RBM23: variants seen among roughly 807,000 people sequenced by gnomAD.
RBM23 encodes probable RNA-binding protein 23.
A neutral mutation model predicts 56.2 loss-of-function variants in RBM23; 53 were observed. The observed-to-expected ratio is 0.94, with a 90% CI of 0.76 to 1.19. The LOEUF (loss-of-function observed/expected upper bound fraction) is 1.19, where lower values mean the gene tolerates loss of function less well. Ranked by LOEUF, RBM23 falls within the 50% of genes most tolerant of loss-of-function variation. The pLI, the probability that RBM23 is intolerant of heterozygous loss-of-function variation, is 0.00. For missense variants in RBM23, 642 were observed against 590.3 expected, an observed-to-expected ratio of 1.09 and a Z score of -0.91; for synonymous variants, 197 against 198.5, an observed-to-expected ratio of 0.99 and a Z score of 0.06.
chr14:22,906,390 G>T, intron 4 of RBM23, 22 bp from the exon 5 acceptor site: 1 of 1,611,130 alleles, frequency 6.2e-7, no homozygotes, highest in Non-Finnish European at 8.5e-7. Context: ...AACAACTACA[G>T]TCATGCCCAC....
At chr14:22,915,514 GAGA>G (rs2043328376) in intron 1 of RBM23, among the ~76,000 whole-genome samples, 4 of 72,504 alleles carry the variant, frequency 5.5e-5, no homozygotes, top group Non-Finnish European at 7.7e-5. Flanking sequence ...TTTTTTTTTT[GAGA>G]AGGAGTCTAG....
rs779748400 is a variant in RBM23, at chr14:22,904,929, C to T, written c.810G>A (p.Leu270=). The T allele has an allele frequency of 3.5e-5, 57 of 1,614,104 alleles. No homozygotes were observed. The highest frequency in any genetic ancestry group is 1.2e-4 in the Admixed American group (7 of 59,996). ...GGPMRLYVGS[L]HFNITEDMLR... ...GCATGTCTTCAGTGATATTGAAGTG[C>T]AGGGAACCCACATAGAGGCGCATTG... The change falls in exon 9 of 14, where the codon CTG becomes CTA. Residue 270 remains leucine (L), a synonymous_variant. Coordinates refer to ENST00000359890, the MANE Select transcript of RBM23 (RefSeq NM_001077351.2).
At position 22,906,181 on chromosome 14, in the gene RBM23, G is replaced by A; in HGVS notation, c.401+14C>T. 6.2e-7 allele frequency: 1 copy of A among 1,613,020 alleles called. No individual in the cohort carries two copies. The highest frequency in any genetic ancestry group is 8.5e-7 in the Non-Finnish European group (1 of 1,179,118). On this transcript the variant is annotated intron_variant, in intron 5 of 13. Transcript: ENST00000359890. ...TTATTATACAAAAGTGAATCTATTA[G>A]CAAAAAGTGATACCCAGTGGCAAGT...
rs543898360 is a variant in RBM23, at chr14:22,912,893, G to A, written c.-10-1490C>T. ...CACGCGCCTGTAGGCCCAGCTACTC[G>A]GGAGGCTGAGGCAGGAGTATCACTT... On this transcript the variant is annotated intron_variant, in intron 1 of 13. Transcript: ENST00000359890. 9.9e-4 allele frequency among the ~76,000 whole-genome samples: 149 copies of A among 150,336 alleles called. 1 individual carries two copies. The highest frequency in any genetic ancestry group is 3.3e-3 in the African/African-American group (136 of 40,896).
At chr14:22,911,643 T>C (rs1442675058) in intron 1 of RBM23, 2 of 249,100 alleles carry the variant, frequency 8.0e-6, no homozygotes, top group East Asian at 8.6e-5. Flanking sequence ...CCGGGCGCAG[T>C]GGCTCACACC....
rs766529916 is a variant in RBM23 at position 22,905,228 on chromosome 14, T to C, written c.592A>G (p.Ile198Val). Residue 198 changes from isoleucine to valine, a missense_variant, in exon 8 of 14, where the codon ATC becomes GTC. Ile to Val is a conservative substitution (Grantham distance 29). Coordinates refer to ENST00000359890, the MANE Select transcript of RBM23 (RefSeq NM_001077351.2). ...GAACGACGTGAGTTCCGATCTGAGA[T>C]GATACGTACATCGCGAACCTATCCA... ...AVGKVRDVRIISDRNSRRSKG... is the reference protein window; with the variant it reads ...AVGKVRDVRIVSDRNSRRSKG... The C allele has an allele frequency of 1.9e-6, 3 of 1,614,174 alleles. No individual in the cohort carries two copies. Among genetic ancestry groups the C allele is most frequent in the Non-Finnish European group, 2.5e-6 (3 of 1,180,030 alleles).
At position 22,900,636 on chromosome 14, in the gene RBM23, T is replaced by C. The variant is rs921992377; in HGVS notation, c.*1094A>G. ...TTCTTTCTAAAGGTGGTTAAATAAA[T>C]AAACACAATGATGTTACTAATGTTT... On this transcript the variant is annotated 3_prime_UTR_variant, in exon 14 of 14. Coordinates refer to ENST00000359890, the MANE Select transcript of RBM23 (RefSeq NM_001077351.2). 2 of 151,920 alleles carry C rather than the reference T, an allele frequency of 1.3e-5. No homozygotes were observed. The highest frequency in any genetic ancestry group is 2.9e-5 in the Non-Finnish European group (2 of 67,980). 9.4% of individuals were successfully genotyped at this position (151,920 alleles called of 1,614,324 possible).
At chr14:22,904,851 G>C in intron 9 of RBM23, 24 bp downstream of exon 9, 1 of 1,613,554 alleles carries the variant, frequency 6.2e-7, no homozygotes, top group Non-Finnish European at 8.5e-7. Flanking sequence ...ATTCCCTTCA[G>C]AGGTTTCTCT....
chr14:22,907,810 A>G (rs530418098), intron 4 of RBM23, among the ~76,000 whole-genome samples: 3 of 152,226 alleles, frequency 2.0e-5, no homozygotes, highest in Non-Finnish European at 4.4e-5. Flanking sequence ...AAGACCTTCC[A>G]GTGGGACAAG....
intron 5 of RBM23, 35 bp from the exon 6 acceptor site, chr14:22,905,694 A>C: frequency 6.7e-7 from 1 of 1,503,278 alleles, no homozygotes; most frequent in Non-Finnish European, 9.3e-7. Flanking sequence ...GTGAAACCTT[A>C]TTCTCATTGG....
chr14:22,910,501 G>A (rs2042320187), intron 2 of RBM23, among the ~76,000 whole-genome samples: 2 of 150,112 alleles, frequency 1.3e-5, no homozygotes, highest in Non-Finnish European at 3.0e-5. Context: ...AGCGGTGGGG[G>A]GGAAAGGAAG....
intron 4 of RBM23, 46 bp downstream of exon 4, chr14:22,908,287 T>A: frequency 6.5e-7 from 1 of 1,543,656 alleles, no homozygotes; most frequent in South Asian, 1.2e-5. Context: ...TCCAAAGTGC[T>A]AGGATTAAAG....
intron 10 of RBM23, 159 bp from the exon 11 acceptor site, chr14:22,902,541 A>C: frequency 1.5e-6 from 2 of 1,350,932 alleles, no homozygotes; most frequent in Non-Finnish European, 1.9e-6. Context: ...CATCACCTCA[A>C]AATGGTTCTC....
At chr14:22,903,935 A>C in intron 10 of RBM23, 1 of 1,260,684 alleles carries the variant, frequency 7.9e-7, no homozygotes, top group Non-Finnish European at 1.0e-6. Flanking sequence ...TGTCTTTAAA[A>C]GCCCATACCT....
chr14:22,903,704 G>C (rs12437151), intron 10 of RBM23: 1 of 1,007,090 alleles, frequency 9.9e-7, no homozygotes, highest in Non-Finnish European at 1.2e-6. Flanking sequence ...AGTCACATGG[G>C]GCTGGAAGAA....
rs914627788 is a variant in RBM23 at position 22,897,866 on chromosome 14, G to A, written c.*3864C>T. On this transcript the variant is annotated 3_prime_UTR_variant, in exon 14 of 14. Coordinates refer to ENST00000359890, the MANE Select transcript of RBM23 (RefSeq NM_001077351.2). ...TTAACTTATTTGGATATGTTTCCTTGTTTACAAAGTAAAGATAATAAACTA... is the reference window on the plus strand; with the variant it reads ...TTAACTTATTTGGATATGTTTCCTTATTTACAAAGTAAAGATAATAAACTA... 6.6e-6 allele frequency: 1 copy of A among 152,174 alleles called. No individual in the cohort carries two copies. The highest frequency in any genetic ancestry group is 1.5e-5 in the Non-Finnish European group (1 of 68,032). The allele number at this position is 152,174 out of a possible 1,614,324, so 9.4% of individuals were successfully genotyped here. A position where few individuals can be genotyped will look rare whatever the true frequency, so the allele number is the denominator to read the frequency against.
intron 2 of RBM23, among the ~76,000 whole-genome samples, chr14:22,910,914 G>T (rs1342248340): frequency 6.6e-6 from 1 of 152,132 alleles, no homozygotes; most frequent in African/African-American, 2.4e-5. Context: ...GGGACGCTGA[G>T]GCATGAGAAT....
chr14:22,909,399 T>G, intron 3 of RBM23, 84 bp downstream of exon 3: 2 of 1,076,298 alleles, frequency 1.9e-6, no homozygotes, highest in Non-Finnish European at 2.9e-6. Context: ...ACAGAAACAA[T>G]CTCCCTATTC....
At chr14:22,903,004 A>C in intron 10 of RBM23, 1 of 880,232 alleles carries the variant, frequency 1.1e-6, no homozygotes, top group Non-Finnish European at 1.4e-6. Context: ...CTGGTCTCGA[A>C]CTCCTGACCT....
Sources: allele counts gnomAD v4.1 joint callset (sites outside exome capture counted in the v4.1 genomes callset), GRCh38; gene constraint gnomAD v4.1.1; transcripts MANE v1.5; gene names NCBI Gene and HGNC (gene_info 2026-07-23, HGNC 2026-07-21).